CRBN: variants seen among roughly 807,000 people sequenced by gnomAD.
CRBN encodes the protein protein cereblon.
In CRBN, 53 loss-of-function variants were observed where a neutral mutation model predicts 62.2. The ratio of observed to expected loss-of-function variants is 0.85; its 90% CI spans 0.68 to 1.07. The LOEUF is 1.07. CRBN is among the 50% of genes least tolerant of loss of function. The pLI is 0.00. For missense variants in CRBN, 616 were observed against 531.1 expected, an observed-to-expected ratio of 1.16 and a Z score of -1.57; for synonymous variants, 208 against 176.1, an observed-to-expected ratio of 1.18 and a Z score of -1.43.
intron 5 of CRBN, among the ~76,000 whole-genome samples, chr3:3,166,979 C>A (rs1707376374): frequency 6.6e-6 from 1 of 150,918 alleles, no homozygotes. Flanking sequence ...AATTTAGAAA[C>A]TAGTAATCTT....
At chr3:3,155,919 A>C (rs1575083855) in intron 6 of CRBN, 1 of 340,496 alleles carries the variant, frequency 2.9e-6, no homozygotes, top group Non-Finnish European at 5.5e-6. Flanking sequence ...CAATCCTTCC[A>C]CCTCAGCCTC....
intron 2 of CRBN, 45 bp from the exon 3 acceptor site, chr3:3,174,306 A>G (rs1221998406): frequency 7.0e-7 from 1 of 1,437,196 alleles, no homozygotes; most frequent in African/African-American, 1.4e-5. Flanking sequence ...TCGATATGTA[A>G]TAAAAATGTA....
chr3:3,154,590 T>C, intron 7 of CRBN, 157 bp downstream of exon 7: 1 of 5,098 alleles, frequency 2.0e-4, no homozygotes. Flanking sequence ...AAAATACTCA[T>C]TTTTTTTCAA....
chr3:3,153,383 C>G lies in CRBN; in HGVS notation c.1016+41G>C, dbSNP rs551310625. On this transcript the variant is annotated intron_variant, in intron 9 of 10. Transcript: ENST00000231948. ...CAGAAATACAGTCTTCATTATAATT[C>G]TGATAAGGCAAGTATATTAAAAACG... 33 of 1,101,336 alleles carry G rather than the reference C, an allele frequency of 3.0e-5. 1 individual carries two copies. In the African/African-American group the frequency reaches 4.6e-4, roughly 15 times the overall value. 68.2% of individuals were successfully genotyped at this position (1,101,336 alleles called of 1,614,324 possible).
downstream of CRBN, chr3:3,149,883 T>C (rs959581581): frequency 2.0e-5 from 3 of 152,112 alleles, no homozygotes; most frequent in African/African-American, 4.8e-5. Flanking sequence ...ACGAAAGTTA[T>C]CATACAAATG....
At chr3:3,151,381 G>A (rs1023581144) in intron 10 of CRBN, among the ~76,000 whole-genome samples, 3 of 152,042 alleles carry the variant, frequency 2.0e-5, no homozygotes, top group African/African-American at 7.2e-5. Flanking sequence ...ACTTGTACTG[G>A]CTTTTCCTTT....
Position 3,155,009 on chromosome 3 carries a change from C to A in CRBN, c.751-178G>T, listed in dbSNP as rs750026633. On this transcript the variant is annotated intron_variant, in intron 6 of 10. Coordinates refer to ENST00000231948, the MANE Select transcript of CRBN (RefSeq NM_016302.4). ...AATGATCAAGCTCCAGCTCCTTTGC[C>A]CAGCACTGTCTGCCTTCCAGCCTTT... The A allele has an allele frequency of 1.6e-5, 10 of 614,472 alleles. No individual in the cohort carries two copies. In the South Asian group the frequency reaches 1.9e-4, roughly 12 times the overall value. 38.1% of individuals were successfully genotyped at this position (614,472 alleles called of 1,614,324 possible).
intron 5 of CRBN, among the ~76,000 whole-genome samples, chr3:3,166,450 G>A (rs1026671733): frequency 2.6e-5 from 4 of 151,916 alleles, no homozygotes; most frequent in Non-Finnish European, 4.4e-5. Context: ...TGTCTTTATC[G>A]GCAGCGTGAA....
At position 3,175,036 on chromosome 3, in the gene CRBN, A is replaced by C. The variant is rs1707774661; in HGVS notation, c.174+127T>G. On this transcript the variant is annotated intron_variant, in intron 2 of 10. Coordinates refer to ENST00000231948, the MANE Select transcript of CRBN (RefSeq NM_016302.4). Reference sequence around the variant, plus strand: ...CAGTTAAATGTTTATCTACTGGCAAATAGCCCATGTCCTCATCCACAATTT... The same window carrying C: ...CAGTTAAATGTTTATCTACTGGCAACTAGCCCATGTCCTCATCCACAATTT... 4.6e-4 allele frequency: 252 copies of C among 548,556 alleles called. 23 individuals are homozygous for C. The highest frequency in any genetic ancestry group is 2.5e-3 in the Admixed American group (69 of 27,420). The allele number at this position is 548,556 out of a possible 1,614,324, so 34.0% of individuals were successfully genotyped here.
At chr3:3,163,121 T>C (rs1707204812) in intron 5 of CRBN, among the ~76,000 whole-genome samples, 1 of 152,224 alleles carries the variant, frequency 6.6e-6, no homozygotes, top group Non-Finnish European at 1.5e-5. Flanking sequence ...GTAGGTCACT[T>C]GGAGTCCAAA....
At chr3:3,167,816 T>G (rs778055689) in intron 4 of CRBN, 23 bp from the exon 5 acceptor site, 1 of 1,610,612 alleles carries the variant, frequency 6.2e-7, no homozygotes, top group Non-Finnish European at 8.5e-7. Context: ...GAACCAAGCA[T>G]GGTATTCATT....
intron 1 of CRBN, among the ~76,000 whole-genome samples, chr3:3,175,684 C>T (rs1286175426): frequency 2.6e-5 from 4 of 152,144 alleles, no homozygotes; most frequent in Admixed American, 6.5e-5. Flanking sequence ...CAGGATCCCA[C>T]TTTACATTTA....
chr3:3,158,079 A>G (rs955252253), intron 5 of CRBN, among the ~76,000 whole-genome samples: 7 of 152,186 alleles, frequency 4.6e-5, no homozygotes, highest in African/African-American at 1.4e-4. Context: ...AGCCGTCCCC[A>G]ACCTTTTCGA....
intron 5 of CRBN, among the ~76,000 whole-genome samples, chr3:3,157,668 G>A (rs77227831): frequency 6.6e-6 from 1 of 152,112 alleles, no homozygotes; most frequent in East Asian, 1.9e-4. Flanking sequence ...ACTCGGGACT[G>A]AGCTGACAGC....
intron 5 of CRBN, among the ~76,000 whole-genome samples, chr3:3,157,410 A>T (rs111345738): frequency 1.3e-5 from 2 of 152,222 alleles, no homozygotes; most frequent in Non-Finnish European, 2.9e-5. Context: ...TGACACATGA[A>T]AGTGAGAGAG....
chr3:3,174,680 C>T (rs1391226593), intron 2 of CRBN, among the ~76,000 whole-genome samples: 1 of 81,036 alleles, frequency 1.2e-5, no homozygotes, highest in Non-Finnish European at 4.1e-5. Context: ...GGGTTACAAA[C>T]ACTTAATAAA....
At chr3:3,175,743 TTGC>T (rs1275434283) in intron 1 of CRBN, among the ~76,000 whole-genome samples, 1 of 152,078 alleles carries the variant, frequency 6.6e-6, no homozygotes, top group Non-Finnish European at 1.5e-5. Flanking sequence ...TTTTCAGACT[TTGC>T]TTGTTTCTGA....
In CRBN at chr3:3,153,702, T is replaced by G. The variant is rs921018060; in HGVS notation, c.952-214A>C. 8 of 614,542 alleles carry G rather than the reference T, an allele frequency of 1.3e-5. No homozygotes were observed. The African/African-American group carries it at 1.5e-4, about 11-fold the overall frequency. The allele number at this position is 614,542 out of a possible 1,614,324, so 38.1% of individuals were successfully genotyped here. ...ATATTTACATAAAACTAAATGACCT[T>G]CTCTAGAGTAAAGGAATAGTGATAT... On this transcript the variant is annotated intron_variant, in intron 8 of 10. Coordinates refer to ENST00000231948, the MANE Select transcript of CRBN (RefSeq NM_016302.4).
rs762913761 is a variant in CRBN, at chr3:3,167,795, T to G, written c.528-2A>C. Reference sequence around the variant, plus strand: ...ATTTGCACTTTAGCTTGCTGGATTCTAAAATAAAGAGAACCAAGCATGGTA... The same window carrying G: ...ATTTGCACTTTAGCTTGCTGGATTCGAAAATAAAGAGAACCAAGCATGGTA... On this transcript the variant is annotated splice_acceptor_variant, in intron 4 of 10. Coordinates refer to ENST00000231948, the MANE Select transcript of CRBN (RefSeq NM_016302.4). LOFTEE classifies it high-confidence loss of function. 1 of 1,613,212 alleles carries G rather than the reference T, an allele frequency of 6.2e-7. No individual in the cohort carries two copies. Among genetic ancestry groups the G allele is most frequent in the South Asian group, 1.1e-5 (1 of 91,054 alleles).
Sources: allele counts gnomAD v4.1 joint callset (sites outside exome capture counted in the v4.1 genomes callset), GRCh38; gene constraint gnomAD v4.1.1; transcripts MANE v1.5; gene names NCBI Gene and HGNC (gene_info 2026-07-23, HGNC 2026-07-21).